The following PALM2AKAP2 variants were observed in gnomAD, a reference collection of about 807,000 sequenced individuals.
PALM2AKAP2 encodes PALM2 and AKAP2 fusion.
Under a neutral mutation model 71.5 loss-of-function variants are expected in PALM2AKAP2, and 37 were observed. The observed-to-expected ratio is 0.52, with a 90% CI of 0.40 to 0.68. The LOEUF (loss-of-function observed/expected upper bound fraction) is 0.68, where lower values mean the gene tolerates loss of function less well. Ranked by LOEUF, PALM2AKAP2 falls within the 30% of genes least tolerant of loss-of-function variation. The pLI is 0.00. For missense variants in PALM2AKAP2, 1,224 were observed against 1,191.8 expected (o/e 1.03, Z -0.40); for synonymous variants, 468 against 478.8 (o/e 0.98, Z 0.29).
At chr9:109,657,786 C>A (rs1420456719) in intron 1 of PALM2AKAP2, among the ~76,000 whole-genome samples, 2 of 152,056 alleles carry the variant, frequency 1.3e-5, no homozygotes, top group African/African-American at 4.8e-5. Context: ...TAAGCTCTCC[C>A]TGCTCATAGC....
chr9:109,966,674 G>A (rs556870123), intron 6 of PALM2AKAP2, among the ~76,000 whole-genome samples: 2 of 152,300 alleles, frequency 1.3e-5, no homozygotes, highest in East Asian at 1.9e-4. Flanking sequence ...TGTCTGTTAC[G>A]TTATTTTTTG....
At chr9:110,106,015 A>C (rs1835112417) in intron 1 of PALM2AKAP2, among the ~76,000 whole-genome samples, 1 of 152,208 alleles carries the variant, frequency 6.6e-6, no homozygotes, top group African/African-American at 2.4e-5. Context: ...TTTCTGTTAG[A>C]GCCAAATTCA....
upstream of PALM2AKAP2, among the ~76,000 whole-genome samples, chr9:110,047,328 AGC>A (rs1395887767): frequency 2.6e-5 from 4 of 152,206 alleles, no homozygotes; most frequent in Non-Finnish European, 5.9e-5. Context: ...AAGTGTGAAT[AGC>A]GCTCAAGGCA....
intron 3 of PALM2AKAP2, among the ~76,000 whole-genome samples, chr9:109,896,232 C>T (rs1830198980): frequency 6.6e-6 from 1 of 152,072 alleles, no homozygotes; most frequent in Non-Finnish European, 1.5e-5. Context: ...CTCATGAGAA[C>T]TCACTATCAC....
At chr9:109,796,442 T>C (rs1266620264) in intron 1 of PALM2AKAP2, among the ~76,000 whole-genome samples, 1 of 152,206 alleles carries the variant, frequency 6.6e-6, no homozygotes, top group African/African-American at 2.4e-5. Flanking sequence ...TATTGGTGAA[T>C]GTAAGTGATA....
intron 1 of PALM2AKAP2, chr9:110,125,408 A>T: frequency 1.3e-6 from 1 of 784,900 alleles, no homozygotes; most frequent in Non-Finnish European, 1.5e-6. Flanking sequence ...GCCTCTCCGA[A>T]GGAGGTTAAA....
chr9:109,869,812 T>C (rs961617025), intron 2 of PALM2AKAP2, among the ~76,000 whole-genome samples: 5 of 152,148 alleles, frequency 3.3e-5, no homozygotes, highest in African/African-American at 1.2e-4. Flanking sequence ...GTTGATGAGA[T>C]TGGCTATCTG....
intron 1 of PALM2AKAP2, among the ~76,000 whole-genome samples, chr9:109,651,579 G>A (rs1393154697): frequency 6.6e-6 from 1 of 152,318 alleles, no homozygotes; most frequent in East Asian, 1.9e-4. Context: ...AAAGTCTTAT[G>A]AGAACCCTTC....
At chr9:109,930,629 G>T (rs548853765) in intron 5 of PALM2AKAP2, among the ~76,000 whole-genome samples, 32 of 152,368 alleles carry the variant, frequency 2.1e-4, no homozygotes, top group Middle Eastern at 3.4e-3. Context: ...TCAGAAAAGG[G>T]TCTGGTTGGT....
exon 2 of PALM2AKAP2, chr9:110,136,747 C>T: frequency 6.2e-7 from 1 of 1,614,208 alleles, no homozygotes; most frequent in Non-Finnish European, 8.5e-7. Flanking sequence ...AGTTCACTCT[C>T]ACCACACTGA....
chr9:109,643,729 C>A (rs561506648), intron 1 of PALM2AKAP2, among the ~76,000 whole-genome samples: 1 of 152,336 alleles, frequency 6.6e-6, no homozygotes, highest in Non-Finnish European at 1.5e-5. Flanking sequence ...GGTTAACCTT[C>A]CCAATTTCCA....
chr9:110,121,942 G>T (rs868014475), intron 1 of PALM2AKAP2, among the ~76,000 whole-genome samples: 4 of 152,184 alleles, frequency 2.6e-5, no homozygotes. Flanking sequence ...AATTGTGAGG[G>T]TTTATGTACC....
In PALM2AKAP2 at chr9:110,124,238, T is replaced by C. The variant is rs1359695734; in HGVS notation, c.157-11889T>C. Among the ~76,000 whole-genome samples the C allele has an allele frequency of 4.6e-5, 7 of 152,232 alleles. No individual in the cohort carries two copies. In the East Asian group the frequency reaches 1.3e-3, roughly 29 times the overall value. On this transcript the variant is annotated intron_variant, in intron 1 of 3. Coordinates refer to ENST00000374525, the Ensembl canonical transcript of PALM2AKAP2. ...GAGGGTCCCAGGAGGACTGCTATGC[T>C]GGCTGGTGTGCAGACCACAGGTGAA...
intron 2 of PALM2AKAP2, among the ~76,000 whole-genome samples, chr9:109,870,443 C>G (rs1195004413): frequency 1.3e-5 from 2 of 152,172 alleles, no homozygotes. Flanking sequence ...AGGAGTCAGC[C>G]AGTTTTCTCC....
At chr9:109,862,828 G>A in intron 1 of PALM2AKAP2, 1 of 479,586 alleles carries the variant, frequency 2.1e-6, no homozygotes, top group Non-Finnish European at 4.2e-6. Flanking sequence ...AAATGAAGCA[G>A]CAGTGCACAT....
intron 1 of PALM2AKAP2, among the ~76,000 whole-genome samples, chr9:109,657,405 T>C (rs1322757724): frequency 2.0e-5 from 3 of 151,814 alleles, no homozygotes; most frequent in Non-Finnish European, 1.5e-5. Flanking sequence ...AGCCAGTTGT[T>C]TAGTGTGGTG....
chr9:109,952,475 G>A (rs1402214368), intron 6 of PALM2AKAP2, among the ~76,000 whole-genome samples: 1 of 152,194 alleles, frequency 6.6e-6, no homozygotes, highest in Non-Finnish European at 1.5e-5. Context: ...TTTATGCATG[G>A]AAGGTAACTT....
At chr9:110,014,806 GTA>G (rs34408706) in intron 6 of PALM2AKAP2, among the ~76,000 whole-genome samples, 2,592 of 41,348 alleles carry the variant, frequency 0.063, 188 homozygotes, top group African/African-American at 0.07. Flanking sequence ...AAAAAAAAAT[GTA>G]TATATATATA....
chr9:109,887,899 G>A (rs547489534), intron 3 of PALM2AKAP2, among the ~76,000 whole-genome samples: 4 of 152,292 alleles, frequency 2.6e-5, no homozygotes, highest in Admixed American at 2.6e-4. Context: ...TGTAGGAGGA[G>A]GGACAGGTAA....
Sources: allele counts gnomAD v4.1 joint callset (sites outside exome capture counted in the v4.1 genomes callset), GRCh38; gene constraint gnomAD v4.1.1; transcripts MANE v1.5; gene names NCBI Gene and HGNC (gene_info 2026-07-23, HGNC 2026-07-21).